Variants in C1orf159 observed in about 807,000 individuals in gnomAD.
C1orf159 encodes the protein uncharacterized protein C1orf159.
In C1orf159, 19 loss-of-function variants were observed where a neutral mutation model predicts 25.6. The observed-to-expected ratio is 0.74, with a 90% CI of 0.52 to 1.09. The LOEUF is 1.09. Ranked by LOEUF, C1orf159 falls within the 50% of genes least tolerant of loss-of-function variation. The pLI, the probability that C1orf159 is intolerant of heterozygous loss-of-function variation, is 0.00. For missense variants in C1orf159, 274 were observed against 290.6 expected (o/e 0.94, Z 0.42); for synonymous variants, 139 against 124.7 (o/e 1.12, Z -0.77).
chr1:1,091,354 TG>T, intron 3 of C1orf159, 117 bp downstream of exon 3: 1 of 1,010,142 alleles, frequency 9.9e-7, no homozygotes. Flanking sequence ...TCAGCACCTC[TG>T]GGGCTGGGAC....
chr1:1,114,250 T>G (rs1455435458), intron 1 of C1orf159, among the ~76,000 whole-genome samples: 5 of 152,022 alleles, frequency 3.3e-5, no homozygotes, highest in Non-Finnish European at 7.4e-5. Context: ...CAGCCAAATG[T>G]CCCTGGTAGA....
chr1:1,088,202 C>A lies in C1orf159; in HGVS notation c.149-605G>T, dbSNP rs1239768941. On this transcript the variant is annotated intron_variant, in intron 4 of 9. Coordinates refer to ENST00000421241, the MANE Select transcript of C1orf159 (RefSeq NM_017891.5). The stretch of plus-strand genomic sequence containing the variant: ...ATCCCCCAACGGCCTCCCCCAGGAC[C>A]CCCCCCCCATGGCCTCCCACAGGAC... Among the ~76,000 whole-genome samples the A allele has an allele frequency of 9.2e-5, 8 of 86,678 alleles. No homozygotes were observed. The South Asian group carries it at 4.6e-3, about 49-fold the overall frequency. The allele number at this position is 86,678 out of a possible 152,430, so 56.9% of individuals were successfully genotyped here. A position where few individuals can be genotyped will look rare whatever the true frequency, so the allele number is the denominator to read the frequency against.
chr1:1,101,506 C>T (rs1646099961), intron 1 of C1orf159, among the ~76,000 whole-genome samples: 2 of 152,076 alleles, frequency 1.3e-5, no homozygotes, highest in African/African-American at 4.8e-5. Context: ...TTAAATCTCA[C>T]AGACTCAGTC....
chr1:1,082,843 G>A lies in C1orf159; in HGVS notation c.*50C>T, dbSNP rs1318991140. Reference sequence around the variant, plus strand: ...TTGTGCTGGTTCCCGCCAAGGGGTCGGCCTCCGGGTCCCTGCCGCCAAGTG... The same window carrying A: ...TTGTGCTGGTTCCCGCCAAGGGGTCAGCCTCCGGGTCCCTGCCGCCAAGTG... On this transcript the variant is annotated 3_prime_UTR_variant, in exon 10 of 10. Coordinates refer to ENST00000421241, the MANE Select transcript of C1orf159 (RefSeq NM_017891.5). 1.1e-5 allele frequency: 17 copies of A among 1,489,506 alleles called. No homozygotes were observed. Among genetic ancestry groups the A allele is most frequent in the East Asian group, 7.4e-5 (3 of 40,808 alleles). The allele number at this position is 1,489,506 out of a possible 1,614,324, so 92.3% of individuals were successfully genotyped here.
At chr1:1,096,810 A>T (rs1289087510) in intron 1 of C1orf159, among the ~76,000 whole-genome samples, 1 of 151,208 alleles carries the variant, frequency 6.6e-6, no homozygotes, top group Non-Finnish European at 1.5e-5. Context: ...CCACAGCCTC[A>T]GTCTCCCAGG....
chr1:1,087,436 ACTCCCACAGTGT>A lies in C1orf159; in HGVS notation c.244+54_244+65del, dbSNP rs1041049786. On this transcript the variant is annotated intron_variant, in intron 5 of 9. Coordinates refer to ENST00000421241, the MANE Select transcript of C1orf159 (RefSeq NM_017891.5). This position sits in a 1 kb window ranked among gnomAD's most constrained non-coding sequence, Gnocchi z 8.3. Reference sequence around the variant, plus strand: ...GGGCAAGGTGGGGACACAGACAGCAACTCCCACAGTGTCTCCCACAGCTGGAGCTGTGAGAAG... The same window carrying A: ...GGGCAAGGTGGGGACACAGACAGCAACTCCCACAGCTGGAGCTGTGAGAAG... 52 of 1,421,560 alleles carry A rather than the reference ACTCCCACAGTGT, an allele frequency of 3.7e-5. No individual in the cohort carries two copies. The African/African-American group carries it at 7.3e-4, about 20-fold the overall frequency. The allele number at this position is 1,421,560 out of a possible 1,614,324, so 88.1% of individuals were successfully genotyped here.
chr1:1,106,200 A>G (rs942870538), intron 1 of C1orf159: 5 of 152,146 alleles, frequency 3.3e-5, no homozygotes, highest in Admixed American at 1.3e-4. Context: ...AAGATGGTAG[A>G]CTCCAACCCA....
rs1645922930 is a variant in C1orf159 at position 1,091,034 on chromosome 1, A to T, written c.72+438T>A. 2.5e-5 allele frequency: 35 copies of T among 1,425,612 alleles called. No individual in the cohort carries two copies. In the South Asian group the frequency reaches 4.1e-4, roughly 16 times the overall value. 88.3% of individuals were successfully genotyped at this position (1,425,612 alleles called of 1,614,324 possible). A position where few individuals can be genotyped will look rare whatever the true frequency, so the allele number is the denominator to read the frequency against. Reference sequence around the variant, plus strand: ...TCCAGGGGTGACTGCGGAGTGCGGGATAGAATCCACACCGCCAGGGAGGGG... The same window carrying T: ...TCCAGGGGTGACTGCGGAGTGCGGGTTAGAATCCACACCGCCAGGGAGGGG... On this transcript the variant is annotated intron_variant, in intron 3 of 9. Coordinates refer to ENST00000421241, the MANE Select transcript of C1orf159 (RefSeq NM_017891.5).
chr1:1,101,898 C>T (rs1305516383), intron 1 of C1orf159, among the ~76,000 whole-genome samples: 1 of 151,672 alleles, frequency 6.6e-6, no homozygotes, highest in African/African-American at 2.4e-5. Flanking sequence ...ATGGAGAAAC[C>T]CCGTATCTAC....
chr1:1,090,838 C>T (rs917277363), intron 3 of C1orf159: 2 of 1,507,770 alleles, frequency 1.3e-6, no homozygotes, highest in South Asian at 1.2e-5. Flanking sequence ...GCCCAGGTGC[C>T]CAGGTACTGC....
At chr1:1,108,986 C>T (rs906882112) in intron 1 of C1orf159, among the ~76,000 whole-genome samples, 3 of 102,426 alleles carry the variant, frequency 2.9e-5, no homozygotes, top group South Asian at 8.0e-4. Context: ...CCATCCACCA[C>T]GGCCACCATG....
At chr1:1,108,541 G>A (rs1272676998) in intron 1 of C1orf159, among the ~76,000 whole-genome samples, 3 of 96,892 alleles carry the variant, frequency 3.1e-5, no homozygotes, top group Non-Finnish European at 6.3e-5. Context: ...ACCATGTCTC[G>A]GCACCATTCA....
At chr1:1,105,833 C>T (rs1646163434) in intron 1 of C1orf159, 1 of 152,138 alleles carries the variant, frequency 6.6e-6, no homozygotes, top group Admixed American at 6.6e-5. Flanking sequence ...CGAGATAGCA[C>T]CACTGCACTC....
Position 1,089,979 on chromosome 1 carries a change from C to A in C1orf159, c.148+374G>T, listed in dbSNP as rs80125497. On this transcript the variant is annotated intron_variant, in intron 4 of 9. Transcript: ENST00000421241. The surrounding 1 kb of genome is among the most constrained non-coding windows in gnomAD (Gnocchi z 7.5). ...ACCAGGGGCCAGCAGCACCTCTGCCCGAGCACGGACAGGCAAAAATGTCTT... is the reference window on the plus strand; with the variant it reads ...ACCAGGGGCCAGCAGCACCTCTGCCAGAGCACGGACAGGCAAAAATGTCTT... 2.6e-5 allele frequency among the ~76,000 whole-genome samples: 4 copies of A among 152,338 alleles called. No individual in the cohort carries two copies. The highest frequency in any genetic ancestry group is 9.6e-5 in the African/African-American group (4 of 41,580).
intron 3 of C1orf159, 190 bp downstream of exon 3, chr1:1,091,282 C>A: frequency 2.9e-6 from 2 of 693,374 alleles, no homozygotes; most frequent in Non-Finnish European, 2.5e-6. Flanking sequence ...GCTCACCCAG[C>A]AGGCAGCGGA....
At chr1:1,090,700 C>T (rs937363663) in intron 3 of C1orf159, 14 of 719,354 alleles carry the variant, frequency 1.9e-5, no homozygotes, top group Middle Eastern at 3.7e-4. Context: ...CAGGAGGCGG[C>T]ACCCGCAGGC....
chr1:1,084,092 GAA>G, intron 9 of C1orf159: 1 of 1,600,124 alleles, frequency 6.2e-7, no homozygotes, highest in Non-Finnish European at 8.5e-7. Context: ...CACGTCTCGG[GAA>G]CAGGAAAGAG....
chr1:1,101,046 C>T (rs780194484), intron 1 of C1orf159, among the ~76,000 whole-genome samples: 91 of 152,282 alleles, frequency 6.0e-4, no homozygotes, highest in African/African-American at 1.8e-3. Flanking sequence ...TCAGCATTTC[C>T]GGTAGCACAA....
Position 1,082,914 on chromosome 1 carries a change from C to T in C1orf159, c.576G>A (p.Glu192=), listed in dbSNP as rs1645767212. ...CAGGTCAGACATTGCTGATACGGGC[C>T]TCCCCCGGGAAGGCAGCGGGATCCG... The part of the protein sequence containing the change: ...RATDPAAFPG[E]ARISNV The change falls in exon 10 of 10, where the codon GAG becomes GAA. Residue 192 remains glutamate, a synonymous_variant. Coordinates refer to ENST00000421241, the MANE Select transcript of C1orf159 (RefSeq NM_017891.5). The T allele has an allele frequency of 6.3e-7, 1 of 1,598,166 alleles. No homozygotes were observed. Among genetic ancestry groups the T allele is most frequent in the Non-Finnish European group, 8.5e-7 (1 of 1,173,158 alleles).
Sources: allele counts gnomAD v4.1 joint callset (sites outside exome capture counted in the v4.1 genomes callset), GRCh38; gene constraint gnomAD v4.1.1; non-coding constraint Gnocchi (gnomAD v3.1); transcripts MANE v1.5; gene names NCBI Gene and HGNC (gene_info 2026-07-23, HGNC 2026-07-21).